Variants in ZFAT observed in about 807,000 individuals in gnomAD.
ZFAT encodes the protein zinc finger and AT-hook domain containing.
Under a neutral mutation model 117.7 loss-of-function variants are expected in ZFAT, and 64 were observed. That is an observed-to-expected ratio of 0.54 (90% CI 0.44 to 0.67). ZFAT has a LOEUF of 0.67. Among genes scored for constraint, ZFAT ranks in the 30% least tolerant of loss-of-function variants. The probability of loss-of-function intolerance (pLI) is 0.00; values close to 1 mark genes in which losing one functional copy is unlikely to be tolerated. For synonymous variants in ZFAT, 679 were observed against 615.0 expected (o/e 1.10, Z -1.54); for missense variants, 1,433 against 1,584.5 (o/e 0.90, Z 1.62).
At chr8:134,510,934 G>C (rs1415117997) in intron 14 of ZFAT, 1 of 152,352 alleles carries the variant, frequency 6.6e-6, no homozygotes, top group African/African-American at 2.4e-5. Context: ...GCAGAAAAGG[G>C]ACGGGGTTCT....
upstream of ZFAT, among the ~76,000 whole-genome samples, chr8:134,715,668 T>C (rs1320278014): frequency 6.6e-6 from 1 of 152,224 alleles, no homozygotes; most frequent in East Asian, 1.9e-4. Context: ...GCAAGCTGCC[T>C]CGGTGATGGT....
chr8:134,810,978 T>C, the ZFAT span, among the ~76,000 whole-genome samples: 2 of 151,568 alleles, frequency 1.3e-5, no homozygotes, highest in Non-Finnish European at 2.9e-5. Flanking sequence ...AGTCACTCGC[T>C]ACATCTTCTG....
chr8:134,538,344 A>G, intron 11 of ZFAT, among the ~76,000 whole-genome samples: 1 of 152,102 alleles, frequency 6.6e-6, no homozygotes, highest in Non-Finnish European at 1.5e-5. Context: ...GGACCTGGCA[A>G]CCAGGGGGTG....
At chr8:134,801,133 C>T in the ZFAT span, among the ~76,000 whole-genome samples, 24,730 of 151,922 alleles carry the variant, frequency 0.16, 2,193 homozygotes, top group African/African-American at 0.23. Flanking sequence ...GTTAATGAAA[C>T]ACTGTGAGGA....
chr8:134,689,680 C>T (rs1245450361), intron 1 of ZFAT, among the ~76,000 whole-genome samples: 2 of 152,188 alleles, frequency 1.3e-5, no homozygotes, highest in East Asian at 1.9e-4. Context: ...TATAGAAGGC[C>T]GAATTCAGTC....
chr8:134,515,542 G>A (rs771816209), intron 13 of ZFAT, among the ~76,000 whole-genome samples: 6 of 152,108 alleles, frequency 3.9e-5, no homozygotes, highest in African/African-American at 1.2e-4. Flanking sequence ...GTTTTGATTT[G>A]CATTTCTCTG....
At chr8:134,588,531 C>T in intron 8 of ZFAT, 136 bp from the exon 9 acceptor site, 1 of 976,086 alleles carries the variant, frequency 1.0e-6, no homozygotes, top group East Asian at 2.8e-5. Context: ...GGATTTTCAC[C>T]TAAAAAGTAA....
chr8:134,637,186 GAGGCTGT>G (rs1830268577), intron 3 of ZFAT, among the ~76,000 whole-genome samples: 2 of 152,354 alleles, frequency 1.3e-5, no homozygotes, highest in South Asian at 4.1e-4. Flanking sequence ...AGCAAAGAGA[GAGGCTGT>G]GTTTTACCAT....
chr8:134,705,548 G>C (rs1834128927), intron 1 of ZFAT, among the ~76,000 whole-genome samples: 1 of 149,582 alleles, frequency 6.7e-6, no homozygotes, highest in Admixed American at 6.6e-5. Context: ...AATTTTTTTT[G>C]AGACCAAGTC....
chr8:134,735,189 T>C, the ZFAT span, among the ~76,000 whole-genome samples: 1 of 152,170 alleles, frequency 6.6e-6, no homozygotes, highest in Non-Finnish European at 1.5e-5. Context: ...ATTTGGGGGA[T>C]ATAAAAACAC....
chr8:134,590,452 C>A, intron 7 of ZFAT, 97 bp from the exon 8 acceptor site: 1 of 856,514 alleles, frequency 1.2e-6, no homozygotes, highest in South Asian at 1.6e-5. Flanking sequence ...CCACCACCAC[C>A]ACCACTACCA....
the ZFAT span, among the ~76,000 whole-genome samples, chr8:134,790,471 G>T: frequency 2.0e-5 from 3 of 152,040 alleles, no homozygotes; most frequent in East Asian, 3.9e-4. Context: ...TAGCCGTTAG[G>T]GGGTAATTTG....
intron 3 of ZFAT, among the ~76,000 whole-genome samples, chr8:134,632,786 C>G (rs1179009878): frequency 1.3e-5 from 2 of 152,010 alleles, no homozygotes; most frequent in Admixed American, 1.3e-4. Context: ...ATATTTTCAG[C>G]ATATATGATC....
Position 134,657,584 on chromosome 8 carries a change from G to A in ZFAT, c.173C>T (p.Pro58Leu). The A allele has an allele frequency of 6.2e-7, 1 of 1,612,362 alleles. No homozygotes were observed. The highest frequency in any genetic ancestry group is 8.5e-7 in the Non-Finnish European group (1 of 1,178,944). The change falls in exon 2 of 16, where the codon CCC becomes CTC. Residue 58 changes from proline to leucine, a missense_variant. Physicochemically the swap from Pro to Leu is moderately conservative, Grantham distance 98. Transcript: ENST00000377838. ...ACCATCTCCGGTTTTGCTTGAGTTG[G>A]GGGGTTCAGGTGTACTCAGAGGCCT... is the stretch of plus-strand genomic sequence containing the variant. ...PLRPLSTPEPPNSSKTGDEFL... is the reference protein window; with the variant it reads ...PLRPLSTPEPLNSSKTGDEFL...
the ZFAT span, among the ~76,000 whole-genome samples, chr8:134,827,166 C>T: frequency 2.3e-4 from 35 of 152,288 alleles, no homozygotes; most frequent in African/African-American, 8.2e-4. Flanking sequence ...ATCCTCCCAC[C>T]TTAGCCCCAC....
intron 10 of ZFAT, among the ~76,000 whole-genome samples, chr8:134,577,956 T>C (rs1413495967): frequency 6.6e-6 from 1 of 152,084 alleles, no homozygotes; most frequent in African/African-American, 2.4e-5. Flanking sequence ...AGACCTTCCA[T>C]ACGTGAGCAC....
In ZFAT at chr8:134,565,825, G is replaced by C. The variant is rs1824419327; in HGVS notation, c.2888-404C>G. On this transcript the variant is annotated intron_variant, in intron 10 of 15. Transcript: ENST00000377838. ...CGGAGCAGCTGCATCTTCCTTCCTG[G>C]AGAGGAGCAGCTGCATCTTCCTTCC... 2.0e-5 allele frequency among the ~76,000 whole-genome samples: 3 copies of C among 151,522 alleles called. No homozygotes were observed. The South Asian group carries it at 6.2e-4, about 31-fold the overall frequency.
At chr8:134,560,627 A>T (rs1413647835) in intron 11 of ZFAT, among the ~76,000 whole-genome samples, 1 of 152,222 alleles carries the variant, frequency 6.6e-6, no homozygotes, top group Admixed American at 6.5e-5. Context: ...ACGTGGACTT[A>T]TCTATTTGGA....
At chr8:134,485,073 A>T (rs577190334) in intron 15 of ZFAT, among the ~76,000 whole-genome samples, 15 of 152,320 alleles carry the variant, frequency 9.8e-5, no homozygotes, top group African/African-American at 3.6e-4. Context: ...TGCTGTGTGA[A>T]GAGTCTACGT....
Sources: gnomAD v4.1 joint callset for allele counts (sites outside exome capture counted in the v4.1 genomes callset) on GRCh38, gnomAD v4.1.1 for gene constraint, MANE v1.5 for transcripts, NCBI Gene and HGNC (gene_info 2026-07-23, HGNC 2026-07-21) for gene names.